The following RBMS3 variants were observed in gnomAD, a reference collection of about 807,000 sequenced individuals.
RBMS3 encodes the protein RNA binding motif single stranded interacting protein 3.
A neutral mutation model predicts 66.8 loss-of-function variants in RBMS3; 27 were observed. The ratio of observed to expected loss-of-function variants is 0.40; its 90% CI spans 0.30 to 0.56. RBMS3 has a LOEUF of 0.56. Among genes scored for constraint, RBMS3 ranks in the 20% least tolerant of loss-of-function variants. RBMS3 has a pLI of 0.40. For synonymous variants in RBMS3, 188 were observed against 183.0 expected (o/e 1.03, Z -0.22); for missense variants, 513 against 549.5 (o/e 0.93, Z 0.66).
intron 1 of RBMS3, among the ~76,000 whole-genome samples, chr3:29,420,244 G>A (rs1251408084): frequency 6.6e-6 from 1 of 151,982 alleles, no homozygotes; most frequent in Non-Finnish European, 1.5e-5. Context: ...TGTGCATTCC[G>A]CCCACATATT....
At chr3:29,666,945 A>G (rs1430099026) in intron 4 of RBMS3, among the ~76,000 whole-genome samples, 1 of 152,140 alleles carries the variant, frequency 6.6e-6, no homozygotes, top group Non-Finnish European at 1.5e-5. Flanking sequence ...AAGTTCAAGG[A>G]TTATCTTGCT....
At chr3:29,639,414 A>C (rs973677177) in intron 4 of RBMS3, among the ~76,000 whole-genome samples, 2 of 151,848 alleles carry the variant, frequency 1.3e-5, no homozygotes, top group Non-Finnish European at 2.9e-5. Flanking sequence ...ACGCCTAGTG[A>C]TACTTTTATC....
intron 3 of RBMS3, among the ~76,000 whole-genome samples, chr3:29,556,938 C>T (rs553313518): frequency 5.3e-5 from 8 of 152,186 alleles, no homozygotes; most frequent in African/African-American, 1.2e-4. Flanking sequence ...TGAGGTATGA[C>T]GTACACTCCA....
At chr3:29,793,553 CTTAT>C (rs1392455674) in intron 6 of RBMS3, among the ~76,000 whole-genome samples, 1 of 152,156 alleles carries the variant, frequency 6.6e-6, no homozygotes, top group East Asian at 1.9e-4. Context: ...GATGCCTGAT[CTTAT>C]TTAAGAAATG....
chr3:29,698,361 C>A (rs976694847), intron 4 of RBMS3: 2 of 985,206 alleles, frequency 2.0e-6, no homozygotes, highest in African/African-American at 3.5e-5. Flanking sequence ...CAGTTTGTGT[C>A]TGAATGTGCT....
At chr3:29,949,635 T>C (rs973841463) in intron 12 of RBMS3, among the ~76,000 whole-genome samples, 1 of 151,804 alleles carries the variant, frequency 6.6e-6, no homozygotes, top group African/African-American at 2.4e-5. Context: ...AAATCTGAGA[T>C]GGTAGACATT....
intron 5 of RBMS3, among the ~76,000 whole-genome samples, chr3:29,755,666 G>A (rs2149372447): frequency 6.6e-6 from 1 of 152,288 alleles, no homozygotes; most frequent in East Asian, 1.9e-4. Context: ...GGCCTGCTTG[G>A]AAGGACTGTA....
intron 6 of RBMS3, among the ~76,000 whole-genome samples, chr3:29,804,135 A>G (rs1480227663): frequency 6.6e-6 from 1 of 152,098 alleles, no homozygotes; most frequent in Non-Finnish European, 1.5e-5. Context: ...TTGGTATTTT[A>G]ACTGCTGCTC....
At chr3:29,459,497 T>C (rs1454924868) in intron 2 of RBMS3, among the ~76,000 whole-genome samples, 1 of 152,212 alleles carries the variant, frequency 6.6e-6, no homozygotes, top group Non-Finnish European at 1.5e-5. Context: ...ATTATACTCT[T>C]CTTAAACTGT....
intron 4 of RBMS3, among the ~76,000 whole-genome samples, chr3:29,656,532 AG>A (rs2050333684): frequency 6.6e-6 from 1 of 152,232 alleles, no homozygotes; most frequent in Non-Finnish European, 1.5e-5. Flanking sequence ...TGCATGTGTT[AG>A]ACCAGATCTC....
chr3:29,605,200 C>A lies in RBMS3; in HGVS notation c.399+17995C>A, dbSNP rs182719726. The stretch of plus-strand genomic sequence containing the variant: ...AAAACAAGTTATGGATTAAAGGAAG[C>A]CACTGTGCAGACTAAAAATTCTTAA... On this transcript the variant is annotated intron_variant, in intron 4 of 14. Transcript: ENST00000383767. 1.4e-3 allele frequency among the ~76,000 whole-genome samples: 218 copies of A among 151,856 alleles called. 1 individual carries two copies. The highest frequency in any genetic ancestry group is 4.7e-4 in the Non-Finnish European group (32 of 67,858).
chr3:29,407,810 G>C (rs1409392540), intron 1 of RBMS3, among the ~76,000 whole-genome samples: 1 of 152,124 alleles, frequency 6.6e-6, no homozygotes. Context: ...ATATCATGAA[G>C]TTATGCTGTT....
chr3:29,639,676 C>G (rs2049621031), intron 4 of RBMS3, among the ~76,000 whole-genome samples: 2 of 150,978 alleles, frequency 1.3e-5, no homozygotes, highest in South Asian at 4.2e-4. Context: ...TAAAAGCTGG[C>G]CTTGGAAGTC....
chr3:29,565,700 C>G (rs2046717719), intron 3 of RBMS3, among the ~76,000 whole-genome samples: 1 of 152,078 alleles, frequency 6.6e-6, no homozygotes, highest in African/African-American at 2.4e-5. Context: ...GTATTAACAC[C>G]AAAACACTAG....
chr3:29,561,750 C>G (rs945469499), intron 3 of RBMS3, among the ~76,000 whole-genome samples: 8 of 152,056 alleles, frequency 5.3e-5, no homozygotes, highest in African/African-American at 1.7e-4. Flanking sequence ...CATGCCTGGC[C>G]CTTGACTTTT....
intron 1 of RBMS3, among the ~76,000 whole-genome samples, chr3:29,382,403 G>A (rs1297679398): frequency 6.6e-6 from 1 of 152,212 alleles, no homozygotes; most frequent in Non-Finnish European, 1.5e-5. Flanking sequence ...GATTTGTGCA[G>A]TATTGATTTC....
intron 4 of RBMS3, among the ~76,000 whole-genome samples, chr3:29,610,574 T>G (rs2048460102): frequency 6.6e-6 from 1 of 152,090 alleles, no homozygotes; most frequent in East Asian, 1.9e-4. Context: ...CATTTTTGCA[T>G]TGACTCTTTC....
intron 6 of RBMS3, 121 bp from the exon 7 acceptor site, chr3:29,868,737 C>G: frequency 1.1e-6 from 1 of 875,802 alleles, no homozygotes; most frequent in Non-Finnish European, 1.7e-6. Flanking sequence ...GGCCAAATAT[C>G]TCTTCAGAAG....
chr3:29,873,847 A>G (rs2059547918), intron 7 of RBMS3, among the ~76,000 whole-genome samples: 2 of 152,124 alleles, frequency 1.3e-5, no homozygotes, highest in Non-Finnish European at 2.9e-5. Context: ...GAGATAATCA[A>G]GTGTTTTTTG....
Sources: allele counts gnomAD v4.1 joint callset (sites outside exome capture counted in the v4.1 genomes callset), GRCh38; gene constraint gnomAD v4.1.1; transcripts MANE v1.5; gene names NCBI Gene and HGNC (gene_info 2026-07-23, HGNC 2026-07-21).